Variants in CENPC observed in about 807,000 individuals in gnomAD.
CENPC encodes the protein CENP-C 1.
CENPC carries 63 observed loss-of-function variants against 112.1 expected under a neutral mutation model. That is an observed-to-expected ratio of 0.56 (90% CI 0.46 to 0.69). The LOEUF (loss-of-function observed/expected upper bound fraction) is 0.69. Among genes scored for constraint, CENPC ranks in the 30% least tolerant of loss-of-function variants. The pLI, the probability that CENPC is intolerant of heterozygous loss-of-function variation, is 0.00. For synonymous variants in CENPC, 333 were observed against 367.6 expected (o/e 0.91, Z 1.08); for missense variants, 1,000 against 1,103.8 (o/e 0.91, Z 1.33).
intron 4 of CENPC, among the ~76,000 whole-genome samples, chr4:67,534,994 T>C (rs1227918690): frequency 6.6e-6 from 1 of 152,020 alleles, no homozygotes; most frequent in Non-Finnish European, 1.5e-5. Context: ...ACAGATGACA[T>C]GATCCTAAAA....
intron 6 of CENPC, among the ~76,000 whole-genome samples, chr4:67,518,667 A>G (rs1726130662): frequency 6.6e-6 from 1 of 152,210 alleles, no homozygotes; most frequent in South Asian, 2.1e-4. Context: ...ACTGTGACAG[A>G]CCAAACTTTG....
At chr4:67,484,147 A>G (rs1422076342) in intron 17 of CENPC, among the ~76,000 whole-genome samples, 1 of 152,168 alleles carries the variant, frequency 6.6e-6, no homozygotes, top group Non-Finnish European at 1.5e-5. Context: ...TTTATGCCAC[A>G]TTTTTATTGT....
intron 12 of CENPC, among the ~76,000 whole-genome samples, chr4:67,497,737 T>G (rs887103458): frequency 3.9e-5 from 6 of 152,206 alleles, no homozygotes; most frequent in Admixed American, 3.3e-4. Flanking sequence ...TCTGGCATGC[T>G]GGCCAGGCTG....
intron 16 of CENPC, among the ~76,000 whole-genome samples, chr4:67,491,795 A>G (rs1205501379): frequency 6.6e-6 from 1 of 151,956 alleles, no homozygotes; most frequent in African/African-American, 2.4e-5. Flanking sequence ...CCTACCCACA[A>G]TCCCTGCCTG....
At chr4:67,491,458 T>TAGAG (rs1560423117) in intron 16 of CENPC, among the ~76,000 whole-genome samples, 2 of 45,636 alleles carry the variant, frequency 4.4e-5, no homozygotes, top group Non-Finnish European at 9.1e-5. Flanking sequence ...TATATATATA[T>TAGAG]ATATATATAT....
intron 11 of CENPC, among the ~76,000 whole-genome samples, chr4:67,505,665 G>T (rs1725713272): frequency 6.6e-6 from 1 of 151,994 alleles, no homozygotes; most frequent in African/African-American, 2.4e-5. Flanking sequence ...ATGTCATATT[G>T]TTACTTTTTA....
intron 4 of CENPC, among the ~76,000 whole-genome samples, chr4:67,532,018 G>C (rs922733798): frequency 4.6e-5 from 7 of 152,074 alleles, no homozygotes; most frequent in African/African-American, 1.7e-4. Context: ...CTAATATCCA[G>C]AATCTACAAA....
chr4:67,484,411 C>T (rs1047872387), intron 17 of CENPC, among the ~76,000 whole-genome samples: 2 of 152,160 alleles, frequency 1.3e-5, no homozygotes, highest in East Asian at 1.9e-4. Context: ...GGACAGGGAC[C>T]GCTACTGGCA....
intron 4 of CENPC, among the ~76,000 whole-genome samples, chr4:67,531,701 T>G (rs1726554914): frequency 6.6e-6 from 1 of 152,216 alleles, no homozygotes; most frequent in African/African-American, 2.4e-5. Context: ...TGCATTTCAC[T>G]GCTGAAGGGA....
In CENPC at chr4:67,545,175, T is replaced by C. The variant is rs973899063; in HGVS notation, c.18+163A>G. 2.0e-5 allele frequency among the ~76,000 whole-genome samples: 3 copies of C among 152,326 alleles called. No homozygotes were observed. Among genetic ancestry groups the C allele is most frequent in the South Asian group, 2.1e-4 (1 of 4,832 alleles). ...AAGTACAGTAAATTAACTCTGGTTATCGACACACGATCACACTTGATTTCA... is the reference window on the plus strand; with the variant it reads ...AAGTACAGTAAATTAACTCTGGTTACCGACACACGATCACACTTGATTTCA... On this transcript the variant is annotated intron_variant, in intron 1 of 18. Transcript: ENST00000273853.
rs570827482 is a variant in CENPC at position 67,519,256 on chromosome 4, A to C, written c.578T>G (p.Leu193Arg). Reference protein sequence around the residue: ...TYTFENSVNMLPSSTEVSVKT... With the variant: ...TYTFENSVNMRPSSTEVSVKT... Reference sequence around the variant, plus strand: ...AACTGAAACCTCTGTACTTGAAGGCAGCATATTTACTGAATTTTCAAAAGT... The same window carrying C: ...AACTGAAACCTCTGTACTTGAAGGCCGCATATTTACTGAATTTTCAAAAGT... The change falls in exon 6 of 19, where the codon CTG (leucine) becomes CGG (arginine). Residue 193 changes from leucine (L) to arginine (R), a missense_variant. By Grantham distance (102) the Leu-to-Arg change is moderately radical. Transcript: ENST00000273853. 1.3e-5 allele frequency: 21 copies of C among 1,599,978 alleles called. No individual in the cohort carries two copies. In the Middle Eastern group the frequency reaches 5.3e-4, roughly 40 times the overall value.
intron 4 of CENPC, among the ~76,000 whole-genome samples, chr4:67,538,615 T>C (rs1161322424): frequency 1.3e-5 from 2 of 152,214 alleles, no homozygotes; most frequent in African/African-American, 4.8e-5. Context: ...GATAAAGTAC[T>C]GGACAGGAGA....
At chr4:67,476,351 AAG>A (rs1724804039) in intron 17 of CENPC, among the ~76,000 whole-genome samples, 1 of 152,216 alleles carries the variant, frequency 6.6e-6, no homozygotes, top group South Asian at 2.1e-4. Flanking sequence ...CAAAGTGTGA[AAG>A]GGGGGAAAGT....
At position 67,469,289 on chromosome 4, in the gene CENPC, A is replaced by G. The variant is rs1243483325; in HGVS notation, c.*3316T>C. ...GCCCTCCTCCAACAAACTTTAAAAT[A>G]GAAAAAGATAAAAGGTAACTCTATG... On this transcript the variant is annotated 3_prime_UTR_variant, in exon 19 of 19. Coordinates refer to ENST00000273853, the MANE Select transcript of CENPC (RefSeq NM_001812.4). The G allele has an allele frequency of 2.0e-5, 3 of 152,212 alleles. No individual in the cohort carries two copies. The highest frequency in any genetic ancestry group is 4.4e-5 in the Non-Finnish European group (3 of 68,046). The allele number at this position is 152,212 out of a possible 1,614,324, so 9.4% of individuals were successfully genotyped here. A position where few individuals can be genotyped will look rare whatever the true frequency, so the allele number is the denominator to read the frequency against.
Position 67,492,858 on chromosome 4 carries a change from TA to T in CENPC, c.2419+10del, listed in dbSNP as rs746979858. On this transcript the variant is annotated intron_variant, in intron 15 of 18. Transcript: ENST00000273853. Reference sequence around the variant, plus strand: ...AAAATCTAAAAGTTACTTTCAGAAATAAGTTCATACTTCTTTCATCGTTATC... The same window carrying T: ...AAAATCTAAAAGTTACTTTCAGAAATAGTTCATACTTCTTTCATCGTTATC... 6 of 1,532,984 alleles carry T rather than the reference TA, an allele frequency of 3.9e-6. No individual in the cohort carries two copies. The allele number at this position is 1,532,984 out of a possible 1,614,324, so 95.0% of individuals were successfully genotyped here.
rs867763530 is a variant in CENPC, at chr4:67,508,722, T to C, written c.1904+92A>G. On this transcript the variant is annotated intron_variant, in intron 10 of 18. Transcript: ENST00000273853. The stretch of plus-strand genomic sequence containing the variant: ...TGTCAGAGTGCAGAGCTCTTCATGC[T>C]AATTACTGCCTGTCCATAAATGACT... 3.4e-6 allele frequency: 4 copies of C among 1,189,818 alleles called. No homozygotes were observed. The Middle Eastern group carries it at 8.6e-4, about 256-fold the overall frequency. 73.7% of individuals were successfully genotyped at this position (1,189,818 alleles called of 1,614,324 possible). A position where few individuals can be genotyped will look rare whatever the true frequency, so the allele number is the denominator to read the frequency against.
chr4:67,514,773 C>G, intron 7 of CENPC, 86 bp from the exon 8 acceptor site: 1 of 1,336,586 alleles, frequency 7.5e-7, no homozygotes, highest in Non-Finnish European at 1.0e-6. Context: ...GAAATAAAAT[C>G]TAAATTTCTT....
rs748659768 is a variant in CENPC, at chr4:67,492,259, T to A, written c.2436A>T (p.Val812=). 6.4e-7 allele frequency: 1 copy of A among 1,559,582 alleles called. No homozygotes were observed. Among genetic ancestry groups the A allele is most frequent in the Non-Finnish European group, 8.7e-7 (1 of 1,149,152 alleles). ...DNDERKTNLM[V]NLGIPLGDPL... ...GATCTCCAAGAGGTATACCTAGATT[T>A]ACCATTAAGTTAGTCTCTGCAAAAG... Residue 812 remains valine, a synonymous_variant, in exon 16 of 19, where the codon GTA becomes GTT. Coordinates refer to ENST00000273853, the MANE Select transcript of CENPC (RefSeq NM_001812.4).
At position 67,507,610 on chromosome 4, in the gene CENPC, C is replaced by T. The variant is rs1389975570; in HGVS notation, c.1905-676G>A. 2.6e-5 allele frequency among the ~76,000 whole-genome samples: 4 copies of T among 152,182 alleles called. No individual in the cohort carries two copies. The East Asian group carries it at 7.7e-4, about 29-fold the overall frequency. On this transcript the variant is annotated intron_variant, in intron 10 of 18. Coordinates refer to ENST00000273853, the MANE Select transcript of CENPC (RefSeq NM_001812.4). ...AATACCATGAATCAGTAATCAAAAA[C>T]AAACTACCCATATAGAAAAGCTCAG... is the stretch of plus-strand genomic sequence containing the variant.
Sources: gnomAD v4.1 joint callset for allele counts (sites outside exome capture counted in the v4.1 genomes callset) on GRCh38, gnomAD v4.1.1 for gene constraint, MANE v1.5 for transcripts, NCBI Gene and HGNC (gene_info 2026-07-23, HGNC 2026-07-21) for gene names.